The following HTN1 variants were observed in gnomAD, a reference collection of about 807,000 sequenced individuals.
HTN1 encodes the protein histatin-1.
HTN1 carries 18 observed loss-of-function variants against 11.2 expected under a neutral mutation model. The observed-to-expected ratio is 1.61, with a 90% confidence interval of 1.12 to 2.39. The LOEUF is 2.39. Ranked by LOEUF, HTN1 falls within the 30% of genes most tolerant of loss-of-function variation. The probability of loss-of-function intolerance (pLI) is 0.00; values close to 1 mark genes in which losing one functional copy is unlikely to be tolerated. For synonymous variants in HTN1, 21 were observed against 20.5 expected (o/e 1.02, Z -0.07); for missense variants, 80 against 67.2 (o/e 1.19, Z -0.67).
At chr4:70,050,838 G>A (rs1170630187) in intron 1 of HTN1, among the ~76,000 whole-genome samples, 5 of 152,044 alleles carry the variant, frequency 3.3e-5, no homozygotes, top group African/African-American at 7.2e-5. Flanking sequence ...ATTGGTAAAC[G>A]TGTGCCATGG....
intron 5 of HTN1, 93 bp from the exon 6 acceptor site, chr4:70,058,487 C>A (rs1726099325): frequency 6.6e-6 from 1 of 152,090 alleles, no homozygotes; most frequent in East Asian, 1.9e-4. Flanking sequence ...ATAAAACTAT[C>A]TATAAATACA....
At chr4:70,053,619 C>T (rs1319489526) in intron 2 of HTN1, among the ~76,000 whole-genome samples, 1 of 152,098 alleles carries the variant, frequency 6.6e-6, no homozygotes, top group Non-Finnish European at 1.5e-5. Flanking sequence ...TAAAACAAAT[C>T]TCCATATTTA....
At chr4:70,052,618 G>A (rs1378590696) in intron 1 of HTN1, among the ~76,000 whole-genome samples, 1 of 151,848 alleles carries the variant, frequency 6.6e-6, no homozygotes. Flanking sequence ...TGTTTCATTA[G>A]CATATTAATA....
intron 5 of HTN1, chr4:70,056,433 C>T: frequency 6.6e-6 from 1 of 152,076 alleles, no homozygotes; most frequent in East Asian, 1.9e-4. Context: ...ACCATGAAAA[C>T]CTGAGAAGAA....
In HTN1 at chr4:70,058,754, C is replaced by T. The variant is rs1181040667; in HGVS notation, c.*208C>T. On this transcript the variant is annotated 3_prime_UTR_variant, in exon 6 of 6. Coordinates refer to ENST00000246896, the MANE Select transcript of HTN1 (RefSeq NM_002159.4). ...TTCCTAATTATCATTTGATTAGATA[C>T]TTGCAATTTAAACTGTTAAGCTGTT... The T allele has an allele frequency of 3.3e-5, 5 of 152,076 alleles. No individual in the cohort carries two copies. The highest frequency in any genetic ancestry group is 5.9e-5 in the Non-Finnish European group (4 of 67,982). 9.4% of individuals were successfully genotyped at this position (152,076 alleles called of 1,614,324 possible).
intron 5 of HTN1, chr4:70,056,368 A>G (rs1287981252): frequency 6.6e-6 from 1 of 152,066 alleles, no homozygotes; most frequent in Non-Finnish European, 1.5e-5. Context: ...CCTTCCTTAC[A>G]CCTTATACAA....
chr4:70,053,737 T>TTCCTCC (rs779608991), intron 2 of HTN1, among the ~76,000 whole-genome samples: 2 of 151,482 alleles, frequency 1.3e-5, no homozygotes, highest in Non-Finnish European at 3.0e-5. Context: ...CCACCGCCTC[T>TTCCTCC]TCCTCCTCCT....
intron 5 of HTN1, chr4:70,058,003 T>A (rs1726086683): frequency 6.6e-6 from 1 of 152,196 alleles, no homozygotes; most frequent in Non-Finnish European, 1.5e-5. Flanking sequence ...TCAGTTTTAT[T>A]TATCTATATT....
In HTN1 at chr4:70,054,272, A is replaced by C. The variant is rs768049418; in HGVS notation, c.52-50A>C. On this transcript the variant is annotated intron_variant, in intron 2 of 5. Coordinates refer to ENST00000246896, the MANE Select transcript of HTN1 (RefSeq NM_002159.4). ...AAGTCAATATTTATACTTACTCTTGAATTATAAAATTAAAATATTAATTAT... is the reference window on the plus strand; with the variant it reads ...AAGTCAATATTTATACTTACTCTTGCATTATAAAATTAAAATATTAATTAT... The C allele has an allele frequency of 8.3e-5, 95 of 1,146,004 alleles. 2 individuals carry two copies. The South Asian group carries it at 1.4e-3, about 17-fold the overall frequency. The allele number at this position is 1,146,004 out of a possible 1,614,324, so 71.0% of individuals were successfully genotyped here.
chr4:70,054,141 G>A (rs762601044), intron 2 of HTN1, among the ~76,000 whole-genome samples, 181 bp from the exon 3 acceptor site: 9 of 151,988 alleles, frequency 5.9e-5, no homozygotes, highest in Non-Finnish European at 1.3e-4. Context: ...ATTAATTATA[G>A]CATTTACCCC....
At chr4:70,052,401 A>G (rs1204006764) in intron 1 of HTN1, among the ~76,000 whole-genome samples, 8 of 152,154 alleles carry the variant, frequency 5.3e-5, no homozygotes. Flanking sequence ...TAGTGTCACA[A>G]CAACCTAAGT....
In HTN1 at chr4:70,052,971, C is replaced by T. The variant is rs557431267; in HGVS notation, c.-13-93C>T. On this transcript the variant is annotated intron_variant, in intron 1 of 5. Coordinates refer to ENST00000246896, the MANE Select transcript of HTN1 (RefSeq NM_002159.4). ...CAGCCTGGAAAACAGAGCATGTCTC[C>T]CAATGCTTTGAAGCATAGTGTCATC... 152 of 781,186 alleles carry T rather than the reference C, an allele frequency of 1.9e-4. 1 individual carries two copies. The Middle Eastern group carries it at 2.9e-3, about 15-fold the overall frequency. 48.4% of individuals were successfully genotyped at this position (781,186 alleles called of 1,614,324 possible). A position where few individuals can be genotyped will look rare whatever the true frequency, so the allele number is the denominator to read the frequency against.
chr4:70,052,884 G>A (rs1725932542), intron 1 of HTN1, 180 bp from the exon 2 acceptor site: 1 of 519,034 alleles, frequency 1.9e-6, no homozygotes, highest in Non-Finnish European at 3.5e-6. Context: ...GGCTAAGGTG[G>A]GAGGATGGCT....
intron 2 of HTN1, among the ~76,000 whole-genome samples, chr4:70,053,737 T>TTCC (rs779608991): frequency 9.2e-5 from 14 of 151,584 alleles, no homozygotes; most frequent in East Asian, 5.8e-4. Context: ...CCACCGCCTC[T>TTCC]TCCTCCTCCT....
chr4:70,052,819 T>A, intron 1 of HTN1: 2 of 314,860 alleles, frequency 6.4e-6, no homozygotes, highest in African/African-American at 2.1e-5. Flanking sequence ...AAAGAAAAAA[T>A]TCGCTGGGCA....
intron 5 of HTN1, 41 bp from the exon 6 acceptor site, chr4:70,058,539 T>A (rs888667899): frequency 6.6e-6 from 1 of 152,136 alleles, no homozygotes; most frequent in African/African-American, 2.4e-5. Context: ...TATAGGAGTA[T>A]CCATTTTGAA....
chr4:70,058,221 CA>C (rs1726093484), intron 5 of HTN1: 1 of 151,946 alleles, frequency 6.6e-6, no homozygotes, highest in African/African-American at 2.4e-5. Context: ...CTTTATCCTC[CA>C]GGTGTTAGAT....
chr4:70,050,582 A>G (rs1275507493), intron 1 of HTN1, 87 bp downstream of exon 1: 1 of 152,168 alleles, frequency 6.6e-6, no homozygotes, highest in Non-Finnish European at 1.5e-5. Flanking sequence ...ATGAAAATGT[A>G]TATTATCTAT....
intron 4 of HTN1, among the ~76,000 whole-genome samples, chr4:70,054,952 G>T (rs1725995844): frequency 6.6e-6 from 1 of 151,970 alleles, no homozygotes; most frequent in South Asian, 2.1e-4. Flanking sequence ...ATATCAATAT[G>T]AATCTGGGTT....
Sources: allele counts gnomAD v4.1 joint callset (sites outside exome capture counted in the v4.1 genomes callset), GRCh38; gene constraint gnomAD v4.1.1; transcripts MANE v1.5; gene names NCBI Gene and HGNC (gene_info 2026-07-23, HGNC 2026-07-21).